The following SH3BGRL variants were observed in gnomAD, a reference collection of about 807,000 sequenced individuals.
SH3BGRL encodes SH3 domain binding glutamate rich protein like.
Under a neutral mutation model 9.8 loss-of-function variants are expected in SH3BGRL, and 7 were observed. The observed-to-expected ratio is 0.72, with a 90% confidence interval of 0.41 to 1.35. The LOEUF (loss-of-function observed/expected upper bound fraction) is 1.35, where lower values mean the gene tolerates loss of function less well. SH3BGRL is among the 40% of genes most tolerant of loss of function. SH3BGRL has a pLI of 0.01. For missense variants in SH3BGRL, 73 were observed against 84.4 expected (o/e 0.86, Z 0.53); for synonymous variants, 36 against 29.1 (o/e 1.24, Z -0.76).
At chrX:81,206,675 A>T (rs2075548920) in intron 1 of SH3BGRL, among the ~76,000 whole-genome samples, 1 of 111,717 alleles carries the variant, frequency 9.0e-6, no homozygotes. Flanking sequence ...ATGTGCATAT[A>T]GGGGAATAGA....
intron 1 of SH3BGRL, among the ~76,000 whole-genome samples, chrX:81,205,743 C>T (rs947072587): frequency 1.1e-4 from 12 of 109,856 alleles, no homozygotes; most frequent in African/African-American, 4.0e-4. Flanking sequence ...TCCATGGCAG[C>T]TCTAGATCAT....
At chrX:81,259,009 T>TAACA (rs779314399) in intron 1 of SH3BGRL, among the ~76,000 whole-genome samples, 1 of 112,825 alleles carries the variant, frequency 8.9e-6, no homozygotes, top group East Asian at 2.8e-4. Flanking sequence ...TTCATCCAGT[T>TAACA]AACACTAACA....
chrX:81,214,192 AC>A (rs778587472), intron 1 of SH3BGRL, among the ~76,000 whole-genome samples: 1 of 111,774 alleles, frequency 8.9e-6, no homozygotes, highest in Non-Finnish European at 1.9e-5. Flanking sequence ...AATTTTGAAA[AC>A]TGATAAAAGG....
chrX:81,233,492 C>T (rs2075639116), intron 1 of SH3BGRL, among the ~76,000 whole-genome samples: 1 of 111,677 alleles, frequency 9.0e-6, no homozygotes, highest in Non-Finnish European at 1.9e-5. Flanking sequence ...CATTTGAATA[C>T]CTTGCCCAAG....
At chrX:81,245,689 A>G (rs775470289) in intron 1 of SH3BGRL, among the ~76,000 whole-genome samples, 2 of 111,830 alleles carry the variant, frequency 1.8e-5, no homozygotes, top group Non-Finnish European at 3.8e-5. Flanking sequence ...TTTTGTTCAG[A>G]TAGTTCTGTC....
At chrX:81,219,847 A>C (rs1468258492) in intron 1 of SH3BGRL, among the ~76,000 whole-genome samples, 1 of 111,513 alleles carries the variant, frequency 9.0e-6, no homozygotes, top group Non-Finnish European at 1.9e-5. Context: ...AATTTTATCA[A>C]ATGCTTTTTT....
At chrX:81,287,003 C>A (rs1207261714) in intron 3 of SH3BGRL, among the ~76,000 whole-genome samples, 1 of 111,468 alleles carries the variant, frequency 9.0e-6, no homozygotes, top group Non-Finnish European at 1.9e-5. Context: ...TTCTGGATTT[C>A]TATGCCAGTG....
At chrX:81,229,214 C>T (rs1024421539) in intron 1 of SH3BGRL, among the ~76,000 whole-genome samples, 21 of 110,234 alleles carry the variant, frequency 1.9e-4, no homozygotes, top group East Asian at 5.7e-4. Context: ...TTCGGTGGCC[C>T]GCCACTCAAA....
chrX:81,251,685 A>C (rs2075711195), intron 1 of SH3BGRL, among the ~76,000 whole-genome samples: 1 of 111,885 alleles, frequency 8.9e-6, no homozygotes, highest in Admixed American at 9.5e-5. Context: ...AAGTACAGCA[A>C]ATTGAATTTT....
At chrX:81,223,016 G>A (rs1438088165) in intron 1 of SH3BGRL, among the ~76,000 whole-genome samples, 2 of 111,450 alleles carry the variant, frequency 1.8e-5, no homozygotes, top group African/African-American at 6.5e-5. Context: ...TTTTTGATGG[G>A]GTTGTTTGTT....
intron 1 of SH3BGRL, among the ~76,000 whole-genome samples, chrX:81,275,152 T>A (rs1417178582): frequency 1.8e-5 from 2 of 111,573 alleles, no homozygotes; most frequent in African/African-American, 6.5e-5. Context: ...CAAAAAATAA[T>A]TTATCTTAAA....
chrX:81,233,170 A>G (rs1403242172), intron 1 of SH3BGRL, among the ~76,000 whole-genome samples: 2 of 112,114 alleles, frequency 1.8e-5, no homozygotes, highest in African/African-American at 6.5e-5. Flanking sequence ...TAATAACAAG[A>G]AGCTGTCATG....
intron 1 of SH3BGRL, among the ~76,000 whole-genome samples, chrX:81,275,951 TGA>T (rs2075797336): frequency 8.9e-6 from 1 of 111,881 alleles, no homozygotes; most frequent in Non-Finnish European, 1.9e-5. Context: ...GACTTGATTG[TGA>T]GTTTCTTATT....
intron 1 of SH3BGRL, among the ~76,000 whole-genome samples, chrX:81,218,413 C>T (rs1387661630): frequency 9.1e-6 from 1 of 110,258 alleles, no homozygotes; most frequent in Admixed American, 9.8e-5. Flanking sequence ...CTCCTTTTAG[C>T]ATTTCTTACA....
intron 3 of SH3BGRL, among the ~76,000 whole-genome samples, chrX:81,279,234 C>T (rs1215952870): frequency 1.8e-5 from 2 of 111,617 alleles, no homozygotes; most frequent in African/African-American, 6.5e-5. Context: ...GTTTTCTTGC[C>T]GAACTTTCTT....
At chrX:81,256,111 A>G (rs747416933) in intron 1 of SH3BGRL, among the ~76,000 whole-genome samples, 1 of 112,001 alleles carries the variant, frequency 8.9e-6, no homozygotes, top group Non-Finnish European at 1.9e-5. Context: ...CCCCTTTTTC[A>G]GAAACAAATG....
chrX:81,238,136 G>T (rs1196489565), intron 1 of SH3BGRL, among the ~76,000 whole-genome samples: 1 of 110,182 alleles, frequency 9.1e-6, no homozygotes, highest in African/African-American at 3.3e-5. Context: ...CTGATTGTAA[G>T]CTTAAGGTAC....
chrX:81,268,408 C>T (rs1181845895), intron 1 of SH3BGRL, among the ~76,000 whole-genome samples: 6 of 111,659 alleles, frequency 5.4e-5, no homozygotes, highest in Middle Eastern at 4.6e-3. Flanking sequence ...CCAGAGATTC[C>T]GGTACATTGT....
intron 1 of SH3BGRL, among the ~76,000 whole-genome samples, chrX:81,246,560 G>A (rs1209280668): frequency 9.0e-6 from 1 of 111,721 alleles, no homozygotes; most frequent in African/African-American, 3.3e-5. Flanking sequence ...TTATTGAATA[G>A]GAAGTTCTTT....
Sources: allele counts gnomAD v4.1 joint callset (sites outside exome capture counted in the v4.1 genomes callset), GRCh38; gene constraint gnomAD v4.1.1; transcripts MANE v1.5; gene names NCBI Gene and HGNC (gene_info 2026-07-23, HGNC 2026-07-21).